TAFA1: variants seen among roughly 807,000 people sequenced by gnomAD.
TAFA1 encodes the protein chemokine-like protein TAFA-1.
A neutral mutation model predicts 18.5 loss-of-function variants in TAFA1; 4 were observed. That is an observed-to-expected ratio of 0.22 (90% CI 0.11 to 0.49). TAFA1 has a LOEUF of 0.49. Ranked by LOEUF, TAFA1 falls within the 20% of genes least tolerant of loss-of-function variation. The pLI, the probability that TAFA1 is intolerant of heterozygous loss-of-function variation, is 0.98. For missense variants in TAFA1, 147 were observed against 169.0 expected (o/e 0.87, Z 0.72); for synonymous variants, 56 against 55.2 (o/e 1.01, Z -0.06).
chr3:68,106,418 A>T (rs1041845381), intron 2 of TAFA1, among the ~76,000 whole-genome samples: 4 of 152,140 alleles, frequency 2.6e-5, no homozygotes, highest in Non-Finnish European at 4.4e-5. Flanking sequence ...CTAAAGTTTT[A>T]ATTTAATTTG....
intron 2 of TAFA1, among the ~76,000 whole-genome samples, chr3:68,270,216 T>C (rs1378587903): frequency 6.6e-6 from 1 of 152,186 alleles, no homozygotes; most frequent in African/African-American, 2.4e-5. Context: ...CATCACTTTC[T>C]TAATCCCTCT....
At chr3:68,432,724 T>C (rs1013494907) in intron 3 of TAFA1, among the ~76,000 whole-genome samples, 2 of 151,932 alleles carry the variant, frequency 1.3e-5, no homozygotes, top group Admixed American at 6.6e-5. Flanking sequence ...CTAATCCCAG[T>C]CCAAGTAAGA....
intron 2 of TAFA1, among the ~76,000 whole-genome samples, chr3:68,065,168 CGACTAACTATGAAT>C (rs1318347627): frequency 1.3e-5 from 2 of 152,102 alleles, no homozygotes; most frequent in African/African-American, 4.8e-5. Flanking sequence ...AGACAGAGAG[CGACTAACTATGAAT>C]GTCTACTGTA....
intron 2 of TAFA1, among the ~76,000 whole-genome samples, chr3:68,141,941 A>G (rs2065671728): frequency 6.6e-6 from 1 of 152,138 alleles, no homozygotes; most frequent in African/African-American, 2.4e-5. Flanking sequence ...CCATTCTAAG[A>G]TGTTCTCCCT....
At chr3:68,206,944 T>C (rs972523544) in intron 2 of TAFA1, among the ~76,000 whole-genome samples, 4 of 151,622 alleles carry the variant, frequency 2.6e-5, no homozygotes, top group African/African-American at 9.7e-5. Context: ...TGATGAAGAG[T>C]AGAAATGACT....
At chr3:68,208,217 G>A (rs2066550481) in intron 2 of TAFA1, among the ~76,000 whole-genome samples, 1 of 151,840 alleles carries the variant, frequency 6.6e-6, no homozygotes, top group African/African-American at 2.4e-5. Flanking sequence ...GTACAAACCT[G>A]GTCATTTTAT....
chr3:68,286,589 C>T (rs567466330), intron 2 of TAFA1, among the ~76,000 whole-genome samples: 56 of 152,170 alleles, frequency 3.7e-4, no homozygotes, highest in Non-Finnish European at 6.6e-4. Flanking sequence ...GGAGGAAAAA[C>T]ACCCAAGAAA....
chr3:68,050,871 T>G (rs750568546), intron 2 of TAFA1, among the ~76,000 whole-genome samples: 1 of 152,298 alleles, frequency 6.6e-6, no homozygotes, highest in South Asian at 2.1e-4. Flanking sequence ...CCAGTAAAAC[T>G]TGATTTGCTA....
intron 2 of TAFA1, among the ~76,000 whole-genome samples, chr3:68,344,266 A>T (rs2069131156): frequency 6.6e-6 from 1 of 152,242 alleles, no homozygotes. Flanking sequence ...GGGTGTTTGA[A>T]CTACTTAATA....
At chr3:68,144,461 A>T (rs1407481199) in intron 2 of TAFA1, among the ~76,000 whole-genome samples, 1 of 152,200 alleles carries the variant, frequency 6.6e-6, no homozygotes, top group African/African-American at 2.4e-5. Flanking sequence ...GTACTTAAAA[A>T]CGTGGATGGT....
intron 3 of TAFA1, among the ~76,000 whole-genome samples, chr3:68,419,807 G>C (rs915098148): frequency 1.3e-5 from 2 of 152,148 alleles, no homozygotes; most frequent in African/African-American, 4.8e-5. Context: ...GCTAAGTAAA[G>C]AGGAAGTATT....
chr3:68,468,157 T>G (rs1449363644), intron 3 of TAFA1, among the ~76,000 whole-genome samples: 1 of 152,160 alleles, frequency 6.6e-6, no homozygotes, highest in Non-Finnish European at 1.5e-5. Context: ...AGTGATAGGT[T>G]TTGAACTTTT....
chr3:68,267,875 C>T (rs1013952695), intron 2 of TAFA1, among the ~76,000 whole-genome samples: 16 of 152,064 alleles, frequency 1.1e-4, no homozygotes, highest in Admixed American at 7.9e-4. Context: ...TACTCGCACA[C>T]GATAAATCTC....
At chr3:68,003,635 A>G (rs943996481), upstream of TAFA1, among the ~76,000 whole-genome samples, 2 of 149,628 alleles carry the variant, frequency 1.3e-5, no homozygotes, top group African/African-American at 4.9e-5. Context: ...TTCAAACCGT[A>G]GTAAGAGGAA....
At chr3:68,220,055 T>C (rs2066710830) in intron 2 of TAFA1, among the ~76,000 whole-genome samples, 1 of 152,186 alleles carries the variant, frequency 6.6e-6, no homozygotes. Context: ...TTTATAAGCT[T>C]CATAGGTCCC....
chr3:68,352,054 A>C (rs527903774), intron 2 of TAFA1, among the ~76,000 whole-genome samples: 3 of 152,148 alleles, frequency 2.0e-5, no homozygotes, highest in South Asian at 4.2e-4. Context: ...TATAATCGAA[A>C]TAAGAATACA....
chr3:68,303,542 G>A (rs960321561), intron 2 of TAFA1, among the ~76,000 whole-genome samples: 5 of 151,996 alleles, frequency 3.3e-5, no homozygotes, highest in East Asian at 3.9e-4. Context: ...CCAGGTTCAC[G>A]CCATTCTCCC....
At chr3:68,298,911 A>C (rs2068257287) in intron 2 of TAFA1, among the ~76,000 whole-genome samples, 1 of 152,218 alleles carries the variant, frequency 6.6e-6, no homozygotes, top group Admixed American at 6.5e-5. Flanking sequence ...GTAGTGGGGA[A>C]GTGCTAGAAA....
intron 2 of TAFA1, among the ~76,000 whole-genome samples, chr3:68,272,203 G>C (rs978067426): frequency 6.6e-6 from 1 of 152,134 alleles, no homozygotes; most frequent in African/African-American, 2.4e-5. Flanking sequence ...GGAAAACCAC[G>C]TTAGCTTCTG....
Sources: allele counts gnomAD v4.1 joint callset (sites outside exome capture counted in the v4.1 genomes callset), GRCh38; gene constraint gnomAD v4.1.1; transcripts MANE v1.5; gene names NCBI Gene and HGNC (gene_info 2026-07-23, HGNC 2026-07-21).